The following ZNF695 variants were observed in gnomAD, a reference collection of about 807,000 sequenced individuals.
ZNF695 encodes zinc finger protein 695, also known as zinc finger protein SBZF3.
A neutral mutation model predicts 11.2 loss-of-function variants in ZNF695; 11 were observed. That is an observed-to-expected ratio of 0.98 (90% CI 0.62 to 1.62). The LOEUF (loss-of-function observed/expected upper bound fraction) is 1.62, where lower values mean the gene tolerates loss of function less well. Ranked by LOEUF, ZNF695 falls within the 40% of genes most tolerant of loss-of-function variation. The pLI, the probability that ZNF695 is intolerant of heterozygous loss-of-function variation, is 0.00. For missense variants in ZNF695, 559 were observed against 590.5 expected (o/e 0.95, Z 0.55); for synonymous variants, 190 against 201.4 (o/e 0.94, Z 0.48).
At chr1:247,006,618 T>A (rs1669549539) in intron 1 of ZNF695, among the ~76,000 whole-genome samples, 1 of 152,104 alleles carries the variant, frequency 6.6e-6, no homozygotes, top group South Asian at 2.1e-4. Flanking sequence ...AGACTTCGTC[T>A]CAAAAAAAAT....
chr1:246,956,810 G>C (rs1230426249), intron 5 of ZNF695, among the ~76,000 whole-genome samples: 1 of 152,154 alleles, frequency 6.6e-6, no homozygotes, highest in Non-Finnish European at 1.5e-5. Flanking sequence ...GCCTCCTAAA[G>C]TGCTAGGATT....
rs554210684 is a variant in ZNF695, at chr1:246,976,569, C to T, written c.391-8777G>A. On this transcript the variant is annotated intron_variant, in intron 4 of 5. Transcript: ENST00000487338. ...CAGCACTTTGGGAGGCCAAGGCGGGCAGATCACGAGGTGAGGAGATCGAGA... is the reference window on the plus strand; with the variant it reads ...CAGCACTTTGGGAGGCCAAGGCGGGTAGATCACGAGGTGAGGAGATCGAGA... Among the ~76,000 whole-genome samples, 410 of 151,742 alleles carry T rather than the reference C, an allele frequency of 2.7e-3. 6 individuals carry two copies. In the Middle Eastern group the frequency reaches 0.027, roughly 10 times the overall value.
In ZNF695 at chr1:246,972,110, C is replaced by A. The variant is rs1054729555; in HGVS notation, c.391-4318G>T. Among the ~76,000 whole-genome samples, 8 of 152,218 alleles carry A rather than the reference C, an allele frequency of 5.3e-5. No homozygotes were observed. In the East Asian group the frequency reaches 1.5e-3, roughly 29 times the overall value. On this transcript the variant is annotated intron_variant, in intron 4 of 5. Coordinates refer to the ZNF695 transcript ENST00000487338. ...ATGGAGCCCAACAAGTGCAGAGAAG[C>A]GCAACCATGCAGGGAGAAAGCACTG... is the stretch of plus-strand genomic sequence containing the variant.
At position 246,979,092 on chromosome 1, in the gene ZNF695, G is replaced by A. The variant is rs148590806; in HGVS notation, c.390+9033C>T. On this transcript the variant is annotated intron_variant, in intron 4 of 5. Coordinates refer to the ZNF695 transcript ENST00000487338. ...GTACATATCCATTCCGGGTATACAC[G>A]TGTAACCTAGGCTAGGATCTAAAGT... 3.9e-5 allele frequency among the ~76,000 whole-genome samples: 6 copies of A among 152,230 alleles called. No homozygotes were observed. In the East Asian group the frequency reaches 5.8e-4, roughly 15 times the overall value.
At chr1:246,981,304 C>CA (rs1668705443), downstream of ZNF695, among the ~76,000 whole-genome samples, 4 of 151,924 alleles carry the variant, frequency 2.6e-5, no homozygotes, top group African/African-American at 7.3e-5. Flanking sequence ...CAGCCACTGC[C>CA]AAAAACAGTA....
At chr1:246,989,364 A>T (rs1471400193) in intron 3 of ZNF695, among the ~76,000 whole-genome samples, 6 of 152,246 alleles carry the variant, frequency 3.9e-5, no homozygotes, top group Admixed American at 6.5e-5. Flanking sequence ...AAAAATCAGG[A>T]GTACTAAGCT....
chr1:246,955,267 G>A (rs1572504297), intron 5 of ZNF695, among the ~76,000 whole-genome samples: 2 of 152,188 alleles, frequency 1.3e-5, no homozygotes, highest in Middle Eastern at 3.4e-3. Context: ...ACCAATACAG[G>A]CCTATTGCTC....
chr1:247,006,363 A>G (rs1669538467), intron 1 of ZNF695, among the ~76,000 whole-genome samples: 1 of 152,194 alleles, frequency 6.6e-6, no homozygotes, highest in African/African-American at 2.4e-5. Context: ...CTGTAATCCC[A>G]GCACTTTGGG....
rs187547911 is a variant in ZNF695, at chr1:246,989,157, C to T, written c.260-902G>A. Reference sequence around the variant, plus strand: ...GCGCATGCCTGTAATCCTAGCTACTCGGGAGGCTGAGGCAGGAGAATCGCT... The same window carrying T: ...GCGCATGCCTGTAATCCTAGCTACTTGGGAGGCTGAGGCAGGAGAATCGCT... On this transcript the variant is annotated intron_variant, in intron 3 of 3. Transcript: ENST00000339986. Among the ~76,000 whole-genome samples, 383 of 151,178 alleles carry T rather than the reference C, an allele frequency of 2.5e-3. 4 individuals carry two copies. Among genetic ancestry groups the T allele is most frequent in the Non-Finnish European group, 1.5e-3 (99 of 67,922 alleles).
intron 5 of ZNF695, among the ~76,000 whole-genome samples, chr1:246,959,404 ATTCTAGAACCC>A (rs1386513062): frequency 7.6e-6 from 1 of 132,338 alleles, no homozygotes; most frequent in Non-Finnish European, 1.6e-5. Flanking sequence ...TTATCTGCTT[ATTCTAGAACCC>A]AAAATGGGCA....
chr1:246,977,312 A>G (rs1668593574), intron 4 of ZNF695, among the ~76,000 whole-genome samples: 1 of 152,230 alleles, frequency 6.6e-6, no homozygotes, highest in Non-Finnish European at 1.5e-5. Context: ...GCTGGAGTGC[A>G]GTGGTGTGAT....
intron 3 of ZNF695, among the ~76,000 whole-genome samples, chr1:246,997,952 G>A (rs1669257852): frequency 6.6e-6 from 1 of 152,152 alleles, no homozygotes; most frequent in Non-Finnish European, 1.5e-5. Context: ...AAATAAATAA[G>A]CTTTGGAAAT....
intron 3 of ZNF695, among the ~76,000 whole-genome samples, chr1:246,996,933 T>C (rs1669229329): frequency 6.6e-6 from 1 of 152,218 alleles, no homozygotes; most frequent in Non-Finnish European, 1.5e-5. Context: ...TGTAAGTTTG[T>C]TTGCCTGTAA....
At chr1:246,989,501 G>A (rs1390381401) in intron 3 of ZNF695, among the ~76,000 whole-genome samples, 2 of 151,988 alleles carry the variant, frequency 1.3e-5, no homozygotes, top group Non-Finnish European at 2.9e-5. Flanking sequence ...TGAAAATCAG[G>A]AAACTAAATC....
intron 4 of ZNF695, among the ~76,000 whole-genome samples, chr1:246,976,666 C>A (rs796883915): frequency 6.6e-6 from 1 of 151,892 alleles, no homozygotes; most frequent in Non-Finnish European, 1.5e-5. Flanking sequence ...TGGTGGCGGG[C>A]ACCTGTAGTC....
chr1:246,989,050 C>T (rs1408224638), intron 3 of ZNF695, among the ~76,000 whole-genome samples: 4 of 147,422 alleles, frequency 2.7e-5, no homozygotes, highest in Non-Finnish European at 6.0e-5. Context: ...GCCAAGATCG[C>T]GCCACTGCAC....
At chr1:246,946,046 G>A (rs758814540) in intron 5 of ZNF695, among the ~76,000 whole-genome samples, 4 of 152,130 alleles carry the variant, frequency 2.6e-5, no homozygotes, top group African/African-American at 7.2e-5. Context: ...AAAGTTATAC[G>A]ATAGTTCCAT....
intron 5 of ZNF695, among the ~76,000 whole-genome samples, chr1:246,955,733 C>T (rs760685929): frequency 6.6e-6 from 1 of 152,112 alleles, no homozygotes; most frequent in Non-Finnish European, 1.5e-5. Context: ...TTTCAAAGTC[C>T]GTTCTTTTCT....
intron 3 of ZNF695, among the ~76,000 whole-genome samples, chr1:246,989,788 C>A (rs576273308): frequency 6.6e-6 from 1 of 152,102 alleles, no homozygotes; most frequent in Non-Finnish European, 1.5e-5. Flanking sequence ...GAGGCCGAGG[C>A]GAGCAGATCG....
Sources: allele counts gnomAD v4.1 joint callset (sites outside exome capture counted in the v4.1 genomes callset), GRCh38; gene constraint gnomAD v4.1.1; transcripts MANE v1.5; gene names NCBI Gene and HGNC (gene_info 2026-07-23, HGNC 2026-07-21).